Variants in SHOX observed in about 807,000 individuals in gnomAD.
SHOX encodes the protein SHOX homeobox.
A neutral mutation model predicts 29.6 loss-of-function variants in SHOX; 12 were observed. The ratio of observed to expected loss-of-function variants is 0.41; its 90% CI spans 0.26 to 0.66. SHOX has a LOEUF of 0.66. SHOX is among the 30% of genes least tolerant of loss of function. The pLI is 0.35. For synonymous variants in SHOX, 214 were observed against 200.6 expected (o/e 1.07, Z -0.57); for missense variants, 499 against 437.7 (o/e 1.14, Z -1.25).
chrX:649,447 G>A lies in SHOX; in HGVS notation c.*4811G>A, dbSNP rs752021032. The stretch of plus-strand genomic sequence containing the variant: ...GAAGGCCCTCCAGAGACACGTTTGC[G>A]TGAACATTCAGCATGGAAACAACAT... On this transcript the variant is annotated 3_prime_UTR_variant, in exon 5 of 5. Coordinates refer to ENST00000686671, the MANE Select transcript of SHOX (RefSeq NM_000451.4). Among the ~76,000 whole-genome samples the A allele has an allele frequency of 1.5e-4, 23 of 152,264 alleles. No homozygotes were observed. Among genetic ancestry groups the A allele is most frequent in the African/African-American group, 4.3e-4 (18 of 41,550 alleles).
rs1279177016 is a variant in SHOX, at chrX:651,572, A to G, written c.*6936A>G. On this transcript the variant is annotated 3_prime_UTR_variant, in exon 5 of 5. Coordinates refer to ENST00000686671, the MANE Select transcript of SHOX (RefSeq NM_000451.4). ...GTAAAACTGAGATATAAATAAACTT[A>G]TAAATATTTGTATTCAAGTGTTAAA... is the stretch of plus-strand genomic sequence containing the variant. The G allele has an allele frequency of 3.8e-6, 1 of 264,336 alleles. No homozygotes were observed. 16.4% of individuals were successfully genotyped at this position (264,336 alleles called of 1,614,324 possible).
chrX:627,055 C>G (rs1454679061), upstream of SHOX, among the ~76,000 whole-genome samples: 2 of 89,096 alleles, frequency 2.2e-5, no homozygotes, highest in Non-Finnish European at 3.7e-5. Context: ...CTCTTTCCCT[C>G]TCTCCTCTCT....
chrX:649,980 C>G lies in SHOX; in HGVS notation c.*5344C>G, dbSNP rs28664665. The G allele has an allele frequency of 0.42, 191,232 of 455,254 alleles. 41,359 individuals are homozygous for G. Among genetic ancestry groups the G allele is most frequent in the East Asian group, 0.54 (7,806 of 14,360 alleles). The allele number at this position is 455,254 out of a possible 1,614,324, so 28.2% of individuals were successfully genotyped here. ...AAGGAATTGGATGTATCGGATGTTG[C>G]TATTAGATTTTCTTTCTCCGTTCGA... On this transcript the variant is annotated 3_prime_UTR_variant, in exon 5 of 5. Transcript: ENST00000686671.
upstream of SHOX, among the ~76,000 whole-genome samples, chrX:628,779 A>G (rs1393438308): frequency 1.7e-3 from 6 of 3,504 alleles, no homozygotes; most frequent in African/African-American, 5.3e-3. Context: ...TTCTCTCTCT[A>G]TCTCTCCCTC....
intron 1 of SHOX, among the ~76,000 whole-genome samples, chrX:632,333 G>T (rs2052665659): frequency 6.6e-6 from 1 of 152,220 alleles, no homozygotes. Context: ...AGAGGGGCTG[G>T]CCCCGGGGAT....
rs866186198 is a variant in SHOX at position 650,807 on chromosome X, A to C, written c.*6171A>C. Among the ~76,000 whole-genome samples, 103 of 121,188 alleles carry C rather than the reference A, an allele frequency of 8.5e-4. No homozygotes were observed. The highest frequency in any genetic ancestry group is 4.3e-3 in the East Asian group (12 of 2,780). 79.5% of individuals were successfully genotyped at this position (121,188 alleles called of 152,430 possible). On this transcript the variant is annotated 3_prime_UTR_variant, in exon 5 of 5. Coordinates refer to ENST00000686671, the MANE Select transcript of SHOX (RefSeq NM_000451.4). ...CGTTTGACATTAAAAAAAAAAAAAAAAAAAAAAAAAAACTGGTGCCTAATT... is the reference window on the plus strand; with the variant it reads ...CGTTTGACATTAAAAAAAAAAAAAACAAAAAAAAAAAACTGGTGCCTAATT...
chrX:659,406 C>G (rs1275695017), exon 6 of SHOX: 1 of 152,094 alleles, frequency 6.6e-6, no homozygotes, highest in Non-Finnish European at 1.5e-5. Context: ...AGGACTGTTA[C>G]GTGGATGTTC....
exon 1 of SHOX, chrX:624,379 C>A (rs2052460771): frequency 1.2e-5 from 1 of 81,398 alleles, no homozygotes; most frequent in Non-Finnish European, 2.6e-5. Flanking sequence ...AACAGGGGCT[C>A]CCCACACTTT....
At position 630,879 on chromosome X, in the gene SHOX, G is replaced by T; in HGVS notation, c.-19G>T. ...GCGCATCCACCAGCCCCGGCTGCTCGCCAGCCCCGGCCCCAGCCATGGAAG... is the reference window on the plus strand; with the variant it reads ...GCGCATCCACCAGCCCCGGCTGCTCTCCAGCCCCGGCCCCAGCCATGGAAG... On this transcript the variant is annotated 5_prime_UTR_variant, in exon 1 of 5. Coordinates refer to ENST00000686671, the MANE Select transcript of SHOX (RefSeq NM_000451.4). The T allele has an allele frequency of 6.2e-7, 1 of 1,612,316 alleles. No individual in the cohort carries two copies. The highest frequency in any genetic ancestry group is 8.5e-7 in the Non-Finnish European group (1 of 1,179,716).
intron 1 of SHOX, among the ~76,000 whole-genome samples, chrX:624,853 CTT>C (rs2052479577): frequency 3.7e-5 from 3 of 81,114 alleles, no homozygotes; most frequent in African/African-American, 5.0e-5. Context: ...CTCTCTTCCT[CTT>C]TCTTTCTTTT....
rs1206747468 is a variant in SHOX at position 645,030 on chromosome X, G to A, written c.*394G>A. 5.0e-6 allele frequency: 1 copy of A among 199,186 alleles called. No individual in the cohort carries two copies. Among genetic ancestry groups the A allele is most frequent in the African/African-American group, 2.3e-5 (1 of 43,290 alleles). The allele number at this position is 199,186 out of a possible 1,614,324, so 12.3% of individuals were successfully genotyped here. The stretch of plus-strand genomic sequence containing the variant: ...CTATTGAAACTGCAAAGATCCCGGA[G>A]CTGGTCTCCGATGAAAATGCCATTT... On this transcript the variant is annotated 3_prime_UTR_variant, in exon 5 of 5. Transcript: ENST00000686671.
rs1041655715 is a variant in SHOX, at chrX:650,792, T to TAAAAAAAAAA, written c.*6174_*6183dup. On this transcript the variant is annotated 3_prime_UTR_variant, in exon 5 of 5. Coordinates refer to ENST00000686671, the MANE Select transcript of SHOX (RefSeq NM_000451.4). ...GGCTTTCGGTGGACACGTTTGACAT[T>TAAAAAAAAAA]AAAAAAAAAAAAAAAAAAAAAAAAA... 6.7e-3 allele frequency among the ~76,000 whole-genome samples: 342 copies of TAAAAAAAAAA among 50,796 alleles called. 34 individuals are homozygous for TAAAAAAAAAA. Among genetic ancestry groups the TAAAAAAAAAA allele is most frequent in the Non-Finnish European group, 0.01 (272 of 27,042 alleles). The allele number at this position is 50,796 out of a possible 152,430, so 33.3% of individuals were successfully genotyped here. A position where few individuals can be genotyped will look rare whatever the true frequency, so the allele number is the denominator to read the frequency against.
In SHOX at chrX:648,990, T is replaced by G. The variant is rs1218314254; in HGVS notation, c.*4354T>G. ...CCTTTTTATCTTTCTCTCTTTTTCTTTCTCTTTTCCTTTTTTGTTTCTTTC... is the reference window on the plus strand; with the variant it reads ...CCTTTTTATCTTTCTCTCTTTTTCTGTCTCTTTTCCTTTTTTGTTTCTTTC... On this transcript the variant is annotated 3_prime_UTR_variant, in exon 5 of 5. Transcript: ENST00000686671. Among the ~76,000 whole-genome samples the G allele has an allele frequency of 1.3e-5, 2 of 150,632 alleles. No homozygotes were observed. Among genetic ancestry groups the G allele is most frequent in the Non-Finnish European group, 3.0e-5 (2 of 67,530 alleles).
At chrX:636,437 A>T (rs1412344456) in intron 2 of SHOX, among the ~76,000 whole-genome samples, 1 of 129,036 alleles carries the variant, frequency 7.7e-6, no homozygotes, top group Admixed American at 8.7e-5. Flanking sequence ...ATATATATAA[A>T]CATATATACA....
At chrX:635,685 C>A (rs55647352) in intron 2 of SHOX, among the ~76,000 whole-genome samples, 13,140 of 152,234 alleles carry the variant, frequency 0.086, 656 homozygotes, top group Middle Eastern at 0.18. Context: ...GCGGGCAGAG[C>A]CTTCCTCCGC....
At chrX:652,087 G>T (rs2053075158), downstream of SHOX, among the ~76,000 whole-genome samples, 1 of 151,918 alleles carries the variant, frequency 6.6e-6, no homozygotes, top group Non-Finnish European at 1.5e-5. Flanking sequence ...ACCGCGCCCG[G>T]CTCATTTTTG....
chrX:655,610 CTCTCTA>C (rs2053134149), downstream of SHOX, among the ~76,000 whole-genome samples: 4 of 19,146 alleles, frequency 2.1e-4, no homozygotes, highest in East Asian at 1.6e-3. Flanking sequence ...CTCTCTCTCT[CTCTCTA>C]TATATATATA....
At chrX:624,782 CCTTTT>C (rs2052477425) in intron 1 of SHOX, among the ~76,000 whole-genome samples, 1 of 122,244 alleles carries the variant, frequency 8.2e-6, no homozygotes, top group African/African-American at 3.3e-5. Context: ...TTGGAGCTTT[CCTTTT>C]CTTTTCCAGA....
upstream of SHOX, among the ~76,000 whole-genome samples, chrX:626,990 C>T (rs967816195): frequency 1.3e-5 from 2 of 151,688 alleles, no homozygotes; most frequent in African/African-American, 4.8e-5. Context: ...GTCTCTCTCT[C>T]TCTCCTCTCT....
Sources: gnomAD v4.1 joint callset for allele counts (sites outside exome capture counted in the v4.1 genomes callset) on GRCh38, gnomAD v4.1.1 for gene constraint, MANE v1.5 for transcripts, NCBI Gene and HGNC (gene_info 2026-07-23, HGNC 2026-07-21) for gene names.